The following MDC1 variants were observed in gnomAD, a reference collection of about 807,000 sequenced individuals.
The protein encoded by MDC1 is mediator of DNA damage checkpoint 1, also known as mediator of DNA damage checkpoint protein 1.
A neutral mutation model predicts 142.5 loss-of-function variants in MDC1; 81 were observed. The observed-to-expected ratio is 0.57, with a 90% CI of 0.47 to 0.68. The LOEUF is 0.68. MDC1 is among the 30% of genes least tolerant of loss of function. MDC1 has a pLI of 0.00. For synonymous variants in MDC1, 797 were observed against 968.4 expected (o/e 0.82, Z 3.29); for missense variants, 2,119 against 2,547.9 (o/e 0.83, Z 3.62).
Position 30,712,671 on chromosome 6 carries a change from G to A in MDC1, c.1271C>T (p.Pro424Leu), listed in dbSNP as rs1284735928. Residue 424 changes from proline (P) to leucine (L), a missense_variant, in exon 5 of 15, where the codon CCT becomes CTT. Pro to Leu is a moderately conservative substitution (Grantham distance 98, BLOSUM62 -3). Coordinates refer to ENST00000376406, the MANE Select transcript of MDC1 (RefSeq NM_014641.3). The surrounding 1 kb of genome is among the most constrained non-coding windows in gnomAD (Gnocchi z 4.7). ...TTCTGCATCTCTGTTCCATATAGCA[G>A]GCTGGCTCTCTTTCAGATGTGCCAA... ...LTLAHLKESQ[P>L]AIWNRDAEED... The A allele has an allele frequency of 1.2e-6, 2 of 1,612,868 alleles. No individual in the cohort carries two copies. Among genetic ancestry groups the A allele is most frequent in the Non-Finnish European group, 1.7e-6 (2 of 1,180,022 alleles).
rs1416504030 is a variant in MDC1 at position 30,703,834 on chromosome 6, A to C, written c.5349T>G (p.Ile1783Met). 1 of 1,612,094 alleles carries C rather than the reference A, an allele frequency of 6.2e-7. No homozygotes were observed. The highest frequency in any genetic ancestry group is 2.2e-5 in the East Asian group (1 of 44,864). The change falls in exon 10 of 15, where the codon ATT becomes ATG. Residue 1783 changes from isoleucine (I) to methionine (M), a missense_variant. Physicochemically the swap from Ile to Met is conservative, Grantham distance 10. Coordinates refer to ENST00000376406, the MANE Select transcript of MDC1 (RefSeq NM_014641.3). This position sits in a 1 kb window ranked among gnomAD's most constrained non-coding sequence, Gnocchi z 4.4. ...CCACCTTTTGGATCTGGGAGGCATGAATTGGTGTCTCAAGAAGCTGGGGAG... is the reference window on the plus strand; with the variant it reads ...CCACCTTTTGGATCTGGGAGGCATGCATTGGTGTCTCAAGAAGCTGGGGAG... ...PASPQLLETP[I>M]HASQIQKVEP...
Position 30,705,461 on chromosome 6 carries a change from T to G in MDC1, c.3722A>C (p.Glu1241Ala). 1 of 1,610,670 alleles carries G rather than the reference T, an allele frequency of 6.2e-7. No homozygotes were observed. Among genetic ancestry groups the G allele is most frequent in the Non-Finnish European group, 8.5e-7 (1 of 1,178,978 alleles). ...RKNRSSVKTP[E>A]PVVPTAPELQ... ...CTCAGGGGCTGTGGGGACAACTGGT[T>G]CAGGGGTCTTGACAGAGGATCTATT... is the stretch of plus-strand genomic sequence containing the variant. The change falls in exon 10 of 15, where the codon GAA becomes GCA. Residue 1241 changes from glutamate (E) to alanine (A), a missense_variant. Glu to Ala is a moderately radical substitution (Grantham distance 107). Coordinates refer to ENST00000376406, the MANE Select transcript of MDC1 (RefSeq NM_014641.3).
rs545354255 is a variant in MDC1 at position 30,703,527 on chromosome 6, G to C, written c.5573C>G (p.Thr1858Ser). The C allele has an allele frequency of 6.2e-7, 1 of 1,613,142 alleles. No individual in the cohort carries two copies. Among genetic ancestry groups the C allele is most frequent in the East Asian group, 2.2e-5 (1 of 44,880 alleles). The change falls in exon 11 of 15, where the codon ACT (threonine) becomes AGT (serine). Residue 1858 changes from threonine (T) to serine (S), a missense_variant. Transcript: ENST00000376406. The surrounding 1 kb of genome is among the most constrained non-coding windows in gnomAD (Gnocchi z 4.4). ...EKPGKEEDVVTPKPGKRKRDQ... is the reference protein window; with the variant it reads ...EKPGKEEDVVSPKPGKRKRDQ... ...TCTCTTTCTCTTGCCTGGTTTTGGAGTCACGACATCCTGAGATTGAGAAAA... is the reference window on the plus strand; with the variant it reads ...TCTCTTTCTCTTGCCTGGTTTTGGACTCACGACATCCTGAGATTGAGAAAA...
Position 30,700,582 on chromosome 6 carries a change from A to G in MDC1, c.6153T>C (p.Ile2051=). 3 of 1,612,946 alleles carry G rather than the reference A, an allele frequency of 1.9e-6. No homozygotes were observed. Among genetic ancestry groups the G allele is most frequent in the Non-Finnish European group, 2.5e-6 (3 of 1,179,996 alleles). The change falls in exon 15 of 15, where the codon ATT becomes ATC. Residue 2051 remains isoleucine, a synonymous_variant. Transcript: ENST00000376406. Reference sequence around the variant, plus strand: ...GGAGGGGCAGCCCAACCCGTAGTGGAATGGAGCAATGAGGGAAGTCCTGAG... The same window carrying G: ...GGAGGGGCAGCCCAACCCGTAGTGGGATGGAGCAATGAGGGAAGTCCTGAG... ...TCPQDFPHCS[I]PLRVGLPLLS...
rs1772408125 is a variant in MDC1, at chr6:30,700,282, A to G, written c.*183T>C. The stretch of plus-strand genomic sequence containing the variant: ...TGGCCATTAAAAAAACAAACAAACA[A>G]ACAAAAAACAACCTGTGGCTTCCAA... On this transcript the variant is annotated 3_prime_UTR_variant, in exon 15 of 15. Transcript: ENST00000376406. 2 of 529,742 alleles carry G rather than the reference A, an allele frequency of 3.8e-6. No individual in the cohort carries two copies. Among genetic ancestry groups the G allele is most frequent in the Non-Finnish European group, 6.2e-6 (2 of 323,352 alleles). 32.8% of individuals were successfully genotyped at this position (529,742 alleles called of 1,614,324 possible).
At position 30,712,914 on chromosome 6, in the gene MDC1, A is replaced by G; in HGVS notation, c.1028T>C (p.Val343Ala). The G allele has an allele frequency of 3.1e-6, 5 of 1,612,984 alleles. No homozygotes were observed. The highest frequency in any genetic ancestry group is 4.2e-6 in the Non-Finnish European group (5 of 1,180,008). Reference sequence around the variant, plus strand: ...CTTCCTCTTCTTCATAGGAATGACAACTGGGGTTGCTGGGATCCTCTCTTC... The same window carrying G: ...CTTCCTCTTCTTCATAGGAATGACAGCTGGGGTTGCTGGGATCCTCTCTTC... Reference protein sequence around the residue: ...AEEERIPATPVVIPMKKRKIF... With the variant: ...AEEERIPATPAVIPMKKRKIF... Residue 343 changes from valine (V) to alanine (A), a missense_variant, in exon 5 of 15, where the codon GTT becomes GCT. Physicochemically the swap from Val to Ala is moderately conservative, Grantham distance 64 (BLOSUM62 0). Coordinates refer to ENST00000376406, the MANE Select transcript of MDC1 (RefSeq NM_014641.3). The surrounding 1 kb of genome is among the most constrained non-coding windows in gnomAD (Gnocchi z 4.7).
chr6:30,712,315 C>T lies in MDC1; in HGVS notation c.1627G>A (p.Val543Met), dbSNP rs751432651. 1 of 1,613,100 alleles carries T rather than the reference C, an allele frequency of 6.2e-7. No homozygotes were observed. Residue 543 changes from valine (V) to methionine (M), a missense_variant, in exon 5 of 15, where the codon GTG becomes ATG. Transcript: ENST00000376406. The surrounding 1 kb of genome is among the most constrained non-coding windows in gnomAD (Gnocchi z 4.7). ...SAIIHIKKHQ[V>M]SVEGTNQTDV... The stretch of plus-strand genomic sequence containing the variant: ...GTTTGATTTGTCCCCTCCACAGACA[C>T]CTGATGCTTCTTTATATGTATAATG...
At position 30,700,071 on chromosome 6, in the gene MDC1, G is replaced by C. The variant is rs1380206668; in HGVS notation, c.*394C>G. 8.4e-6 allele frequency: 2 copies of C among 236,934 alleles called. No homozygotes were observed. The highest frequency in any genetic ancestry group is 2.2e-5 in the African/African-American group (1 of 45,388). The allele number at this position is 236,934 out of a possible 1,614,324, so 14.7% of individuals were successfully genotyped here. On this transcript the variant is annotated 3_prime_UTR_variant, in exon 15 of 15. Transcript: ENST00000376406. The stretch of plus-strand genomic sequence containing the variant: ...AAAAATAGAGATGGTTTCCAAATAG[G>C]AGGTAGGACACCATGAGTGGCATCG...
At chr6:30,700,683 TG>T in intron 14 of MDC1, 51 bp from the exon 15 acceptor site, 1 of 1,601,714 alleles carries the variant, frequency 6.2e-7, no homozygotes, top group Middle Eastern at 1.7e-4. Context: ...ATCCTAGAAA[TG>T]GGTTCAGGAC....
At chr6:30,701,620 T>G (rs927627682) in intron 14 of MDC1, among the ~76,000 whole-genome samples, 1 of 152,158 alleles carries the variant, frequency 6.6e-6, no homozygotes, top group African/African-American at 2.4e-5. Context: ...TAAGGGATGC[T>G]CTAGAGTAAA....
chr6:30,712,347 C>A lies in MDC1; in HGVS notation c.1595G>T (p.Gly532Val). 6.2e-7 allele frequency: 1 copy of A among 1,613,070 alleles called. No homozygotes were observed. ...CTTCTTTATATGTATAATGGCTGACCCTGGCGGGACTTCCTTCTCCACTTG... is the reference window on the plus strand; with the variant it reads ...CTTCTTTATATGTATAATGGCTGACACTGGCGGGACTTCCTTCTCCACTTG... ...NTQVEKEVPP[G>V]SAIIHIKKHQ... The change falls in exon 5 of 15, where the codon GGG becomes GTG. Residue 532 changes from glycine to valine, a missense_variant. Transcript: ENST00000376406. This position sits in a 1 kb window ranked among gnomAD's most constrained non-coding sequence, Gnocchi z 4.7.
rs1775244201 is a variant in MDC1 at position 30,713,627 on chromosome 6, G to A, written c.587+21C>T. Reference sequence around the variant, plus strand: ...TCTTCCTCATTTTGAAGACTCAGGTGTCTGACTCTTTGGCACTCACCTCTC... The same window carrying A: ...TCTTCCTCATTTTGAAGACTCAGGTATCTGACTCTTTGGCACTCACCTCTC... On this transcript the variant is annotated intron_variant, in intron 4 of 14. Transcript: ENST00000376406. This position sits in a 1 kb window ranked among gnomAD's most constrained non-coding sequence, Gnocchi z 4.9. The A allele has an allele frequency of 6.2e-7, 1 of 1,608,882 alleles. No individual in the cohort carries two copies. Among genetic ancestry groups the A allele is most frequent in the Non-Finnish European group, 8.5e-7 (1 of 1,175,658 alleles).
intron 14 of MDC1, among the ~76,000 whole-genome samples, chr6:30,701,728 T>C (rs1320899514): frequency 1.8e-4 from 27 of 152,168 alleles, no homozygotes; most frequent in Non-Finnish European, 2.9e-5. Flanking sequence ...ATGGGAGAAA[T>C]TTTATTAATG....
At chr6:30,711,331 A>T (rs1774847263) in intron 7 of MDC1, 81 bp downstream of exon 7, 2 of 1,272,500 alleles carry the variant, frequency 1.6e-6, no homozygotes, top group African/African-American at 1.5e-5. Context: ...AGACTGCACC[A>T]CTGTAATCCA....
At position 30,707,797 on chromosome 6, in the gene MDC1, A is replaced by G. The variant is rs541108898; in HGVS notation, c.2782T>C (p.Cys928Arg). The change falls in exon 8 of 15, where the codon TGC becomes CGC. Residue 928 changes from cysteine (C) to arginine (R), a missense_variant. Coordinates refer to ENST00000376406, the MANE Select transcript of MDC1 (RefSeq NM_014641.3). ...EVERPVANRE[C>R]DPAELEEKVP... ...TTCTCTTCTAACTCGGCTGGATCGC[A>G]CTCTCTGTTTGCTACTGGTCTCTCT... is the stretch of plus-strand genomic sequence containing the variant. The G allele has an allele frequency of 9.3e-6, 15 of 1,612,258 alleles. No homozygotes were observed. The highest frequency in any genetic ancestry group is 1.7e-6 in the Non-Finnish European group (2 of 1,179,884).
Position 30,705,991 on chromosome 6 carries a change from C to G in MDC1, c.3192G>C (p.Pro1064=), listed in dbSNP as rs576365258. The G allele has an allele frequency of 3.7e-6, 6 of 1,608,324 alleles. No homozygotes were observed. The highest frequency in any genetic ancestry group is 5.1e-6 in the Non-Finnish European group (6 of 1,177,980). Residue 1064 remains proline, a synonymous_variant, in exon 10 of 15, where the codon CCG becomes CCC. Transcript: ENST00000376406. ...AAGGTAAAAGGGGAGAAAGAAGGGG[C>G]GGAGGTGCAAGATGTTTCTGGCTCT... is the stretch of plus-strand genomic sequence containing the variant. ...NSQSQKHLAP[P]PLLSPLLPSI...
At position 30,715,866 on chromosome 6, in the gene MDC1, C is replaced by T. The variant is rs1775586922; in HGVS notation, c.-3-688G>A. 6.6e-6 allele frequency among the ~76,000 whole-genome samples: 1 copy of T among 152,184 alleles called. No individual in the cohort carries two copies. The highest frequency in any genetic ancestry group is 2.1e-4 in the South Asian group (1 of 4,838). On this transcript the variant is annotated intron_variant, in intron 1 of 14. Coordinates refer to ENST00000376406, the MANE Select transcript of MDC1 (RefSeq NM_014641.3). This position sits in a 1 kb window ranked among gnomAD's most constrained non-coding sequence, Gnocchi z 4.1. ...ATTTCTTCAGATAAAGAAACTGCAA[C>T]ATAGCTGGGTTAAGATTTTCAGATC... is the stretch of plus-strand genomic sequence containing the variant.
At position 30,713,370 on chromosome 6, in the gene MDC1, AAG is replaced by A. The variant is rs759845123; in HGVS notation, c.588-18_588-17del. 1.9e-6 allele frequency: 3 copies of A among 1,542,676 alleles called. No individual in the cohort carries two copies. The East Asian group carries it at 6.8e-5, about 35-fold the overall frequency. On this transcript the variant is annotated splice_polypyrimidine_tract_variant and intron_variant, in intron 4 of 14. Coordinates refer to ENST00000376406, the MANE Select transcript of MDC1 (RefSeq NM_014641.3). The surrounding 1 kb of genome is among the most constrained non-coding windows in gnomAD (Gnocchi z 4.9). ...CTCTTCATCACTGTGAAGGGAAGAA[AAG>A]AGAGTCTATAGAATTTATTTCCCTG...
chr6:30,708,980 A>AAAAGAAAGAAAGAAAGAAAG (rs140751169), intron 7 of MDC1, among the ~76,000 whole-genome samples: 29 of 151,680 alleles, frequency 1.9e-4, no homozygotes, highest in African/African-American at 6.8e-4. Context: ...CTGTCTCAAA[A>AAAAGAAAGAAAGAAAGAAAG]AAAGAAAGAA....
Sources: allele counts gnomAD v4.1 joint callset (sites outside exome capture counted in the v4.1 genomes callset), GRCh38; gene constraint gnomAD v4.1.1; non-coding constraint Gnocchi (gnomAD v3.1); transcripts MANE v1.5; gene names NCBI Gene and HGNC (gene_info 2026-07-23, HGNC 2026-07-21).